ARHGAP15: variants seen among roughly 807,000 people sequenced by gnomAD.
The protein encoded by ARHGAP15 is rho GTPase-activating protein 15.
In ARHGAP15, 51 loss-of-function variants were observed where a neutral mutation model predicts 63.7. That is an observed-to-expected ratio of 0.80 (90% CI 0.64 to 1.01). The LOEUF is 1.01. Among genes scored for constraint, ARHGAP15 ranks in the 50% least tolerant of loss-of-function variants. The pLI is 0.00. For missense variants in ARHGAP15, 560 were observed against 564.6 expected (o/e 0.99, Z 0.08); for synonymous variants, 191 against 193.8 (o/e 0.99, Z 0.12).
At chr2:143,308,869 T>C (rs1417108437) in intron 6 of ARHGAP15, among the ~76,000 whole-genome samples, 2 of 141,228 alleles carry the variant, frequency 1.4e-5, no homozygotes, top group Non-Finnish European at 3.0e-5. Context: ...ACAGATATAT[T>C]AAACATAAGG....
chr2:143,256,155 T>G (rs948922135), intron 6 of ARHGAP15, among the ~76,000 whole-genome samples: 1 of 152,132 alleles, frequency 6.6e-6, no homozygotes, highest in South Asian at 2.1e-4. Flanking sequence ...CCTGTATGTT[T>G]GTTTGAGAGC....
intron 6 of ARHGAP15, 115 bp from the exon 7 acceptor site, chr2:143,435,484 GAA>G (rs1186733309): frequency 3.7e-6 from 5 of 1,337,636 alleles, no homozygotes; most frequent in Non-Finnish European, 4.8e-6. Flanking sequence ...TGGAATACAA[GAA>G]AATATTTCAT....
Position 143,764,567 on chromosome 2 carries a change from A to G in ARHGAP15, c.1245-3422A>G, listed in dbSNP as rs550544238. 3.9e-5 allele frequency among the ~76,000 whole-genome samples: 6 copies of G among 152,172 alleles called. No homozygotes were observed. In the East Asian group the frequency reaches 1.2e-3, roughly 29 times the overall value. ...GTTTCAGTTTTCCTGCTCTCCCTTC[A>G]ATGCCTGAGTCCCCTTTGAGAGCTG... On this transcript the variant is annotated intron_variant, in intron 13 of 13. Coordinates refer to ENST00000295095, the MANE Select transcript of ARHGAP15 (RefSeq NM_018460.4).
intron 6 of ARHGAP15, among the ~76,000 whole-genome samples, chr2:143,396,366 A>T (rs1687756620): frequency 6.6e-6 from 1 of 152,086 alleles, no homozygotes; most frequent in Non-Finnish European, 1.5e-5. Context: ...TCTGTGCCAT[A>T]ACTACATTTT....
intron 2 of ARHGAP15, among the ~76,000 whole-genome samples, chr2:143,195,492 GA>G (rs201484866): frequency 5.3e-5 from 8 of 150,058 alleles, no homozygotes; most frequent in Non-Finnish European, 7.4e-5. Context: ...TAACTGTAAA[GA>G]AAAAAAAAGC....
chr2:143,439,472 T>TATTCATTTC (rs1574452329), intron 8 of ARHGAP15, among the ~76,000 whole-genome samples: 1 of 134,172 alleles, frequency 7.5e-6, no homozygotes, highest in African/African-American at 2.7e-5. Context: ...TGATTTATTC[T>TATTCATTTC]ATTCATTTCA....
chr2:143,706,362 C>A (rs183107394), intron 13 of ARHGAP15: 3 of 152,178 alleles, frequency 2.0e-5, no homozygotes, highest in African/African-American at 4.8e-5. Flanking sequence ...TATCGTCAAC[C>A]CTTGTATGTA....
chr2:143,642,985 C>T (rs1331064698), intron 12 of ARHGAP15, among the ~76,000 whole-genome samples: 1 of 152,138 alleles, frequency 6.6e-6, no homozygotes, highest in Non-Finnish European at 1.5e-5. Flanking sequence ...ATTTCTTATC[C>T]TCCTGCCTAT....
chr2:143,709,679 C>T (rs1684490182), intron 13 of ARHGAP15, among the ~76,000 whole-genome samples: 1 of 152,122 alleles, frequency 6.6e-6, no homozygotes, highest in East Asian at 1.9e-4. Context: ...ATATTTAAAG[C>T]TTCTCTGTGG....
chr2:143,481,285 C>T (rs748195480), intron 8 of ARHGAP15, among the ~76,000 whole-genome samples: 3 of 152,032 alleles, frequency 2.0e-5, no homozygotes, highest in African/African-American at 4.8e-5. Context: ...TCAAACCTCA[C>T]CGATAAAGTG....
chr2:143,654,371 C>T (rs1188338031), intron 12 of ARHGAP15, among the ~76,000 whole-genome samples: 2 of 152,102 alleles, frequency 1.3e-5, no homozygotes, highest in East Asian at 3.9e-4. Context: ...CTATAACTTA[C>T]TCAAAAAGGA....
intron 5 of ARHGAP15, among the ~76,000 whole-genome samples, chr2:143,235,651 G>T (rs1693614065): frequency 6.6e-6 from 1 of 152,218 alleles, no homozygotes; most frequent in Non-Finnish European, 1.5e-5. Flanking sequence ...CAGGCCTATT[G>T]TAGGGCCAAA....
At chr2:143,415,521 C>T (rs1258733359) in intron 6 of ARHGAP15, among the ~76,000 whole-genome samples, 1 of 151,920 alleles carries the variant, frequency 6.6e-6, no homozygotes, top group Non-Finnish European at 1.5e-5. Context: ...AAAAGTTTAA[C>T]TTTACTAAGA....
intron 12 of ARHGAP15, among the ~76,000 whole-genome samples, chr2:143,670,228 A>G (rs2105346752): frequency 6.6e-6 from 1 of 152,222 alleles, no homozygotes; most frequent in East Asian, 1.9e-4. Context: ...CTTTATTTAT[A>G]TCTTCTACTT....
At chr2:143,195,451 A>G (rs1410363445) in intron 2 of ARHGAP15, among the ~76,000 whole-genome samples, 1 of 152,168 alleles carries the variant, frequency 6.6e-6, no homozygotes, top group Non-Finnish European at 1.5e-5. Flanking sequence ...TAAATTTTAC[A>G]TGTGTCCACA....
chr2:143,464,357 CTG>C (rs1691103997), intron 8 of ARHGAP15, among the ~76,000 whole-genome samples: 1 of 151,968 alleles, frequency 6.6e-6, no homozygotes, highest in Non-Finnish European at 1.5e-5. Flanking sequence ...AAAGAATAGA[CTG>C]AAAATATAAT....
At chr2:143,437,082 A>G (rs540040476) in intron 8 of ARHGAP15, 40 bp downstream of exon 8, 4 of 1,572,496 alleles carry the variant, frequency 2.5e-6, no homozygotes, top group African/African-American at 2.8e-5. Context: ...AAGTTTGTCT[A>G]AATGCAGTGC....
intron 2 of ARHGAP15, 68 bp from the exon 3 acceptor site, chr2:143,202,066 A>G: frequency 8.5e-7 from 1 of 1,174,320 alleles, no homozygotes; most frequent in South Asian, 1.2e-5. Flanking sequence ...TGGTTATTTT[A>G]TGTGTATTCT....
chr2:143,240,756 AG>A lies in ARHGAP15; in HGVS notation c.385-9754del, dbSNP rs535978212. 1.0e-3 allele frequency among the ~76,000 whole-genome samples: 156 copies of A among 152,332 alleles called. 4 individuals are homozygous for A. Among genetic ancestry groups the A allele is most frequent in the Admixed American group, 9.4e-3 (144 of 15,298 alleles). On this transcript the variant is annotated intron_variant, in intron 5 of 13. Coordinates refer to ENST00000295095, the MANE Select transcript of ARHGAP15 (RefSeq NM_018460.4). ...ATGGGTAGAGATGGAAATACAGAGAAGAAAAAAAGGAAATTAAAGTTCAGTG... is the reference window on the plus strand; with the variant it reads ...ATGGGTAGAGATGGAAATACAGAGAAAAAAAAAGGAAATTAAAGTTCAGTG...
Sources: gnomAD v4.1 joint callset for allele counts (sites outside exome capture counted in the v4.1 genomes callset) on GRCh38, gnomAD v4.1.1 for gene constraint, MANE v1.5 for transcripts, NCBI Gene and HGNC (gene_info 2026-07-23, HGNC 2026-07-21) for gene names.